The following TMEM233 variants were observed in gnomAD, a reference collection of about 807,000 sequenced individuals.
The protein encoded by TMEM233 is dispanin subfamily B member 2.
In TMEM233, 6 loss-of-function variants were observed where a neutral mutation model predicts 11.2. The ratio of observed to expected loss-of-function variants is 0.54; its 90% CI spans 0.29 to 1.06. The LOEUF is 1.06. Among genes scored for constraint, TMEM233 ranks in the 50% least tolerant of loss-of-function variants. TMEM233 has a pLI of 0.08. For missense variants in TMEM233, 127 were observed against 144.7 expected, an observed-to-expected ratio of 0.88 and a Z score of 0.63; for synonymous variants, 59 against 55.8, an observed-to-expected ratio of 1.06 and a Z score of -0.26.
At chr12:119,619,170 G>A (rs2136733451) in intron 1 of TMEM233, among the ~76,000 whole-genome samples, 1 of 152,282 alleles carries the variant, frequency 6.6e-6, no homozygotes, top group South Asian at 2.1e-4. Context: ...AGAAGGACAT[G>A]TTTGCTTCCC....
chr12:119,633,133 T>C (rs566897485), intron 2 of TMEM233, among the ~76,000 whole-genome samples: 1 of 152,288 alleles, frequency 6.6e-6, no homozygotes, highest in Admixed American at 6.5e-5. Flanking sequence ...TAATACCAGC[T>C]TTATCAGGAT....
In TMEM233 at chr12:119,641,180, T is replaced by C. The variant is rs967843324; in HGVS notation, c.*475T>C. 1 of 154,592 alleles carries C rather than the reference T, an allele frequency of 6.5e-6. No homozygotes were observed. The highest frequency in any genetic ancestry group is 1.4e-5 in the Non-Finnish European group (1 of 69,738). 9.6% of individuals were successfully genotyped at this position (154,592 alleles called of 1,614,324 possible). ...TTAAAATTGTCTAGTAGAGTTCAAG[T>C]TGTGGATTTGCTTTTCCTTTTATTC... On this transcript the variant is annotated 3_prime_UTR_variant, in exon 3 of 3. Transcript: ENST00000426426.
At chr12:119,613,385 T>C (rs554101063) in intron 1 of TMEM233, among the ~76,000 whole-genome samples, 105 of 152,264 alleles carry the variant, frequency 6.9e-4, no homozygotes, top group Non-Finnish European at 1.1e-3. Flanking sequence ...GAGCTCACAG[T>C]CAGGTGGCAG....
chr12:119,651,031 GA>G, the TMEM233 span, among the ~76,000 whole-genome samples: 2 of 152,180 alleles, frequency 1.3e-5, no homozygotes, highest in Non-Finnish European at 2.9e-5. Context: ...ACACAGGAAA[GA>G]AAAAACAGCT....
At chr12:119,653,415 A>G in the TMEM233 span, among the ~76,000 whole-genome samples, 1 of 143,854 alleles carries the variant, frequency 7.0e-6, no homozygotes, top group Non-Finnish European at 1.5e-5. Flanking sequence ...AAAAAAAATT[A>G]ATCACTAAAC....
chr12:119,631,505 A>T (rs923271019), intron 2 of TMEM233: 47 of 985,304 alleles, frequency 4.8e-5, no homozygotes, highest in Non-Finnish European at 5.2e-5. Flanking sequence ...AGAAAAGGAC[A>T]CTCAAACATG....
intron 1 of TMEM233, among the ~76,000 whole-genome samples, chr12:119,603,081 C>T (rs932337722): frequency 2.0e-5 from 3 of 151,666 alleles, no homozygotes; most frequent in African/African-American, 7.3e-5. Context: ...ATGATAAAAC[C>T]CCGTCCCTAC....
the TMEM233 span, among the ~76,000 whole-genome samples, chr12:119,648,752 GAATT>G: frequency 7.9e-5 from 12 of 152,162 alleles, no homozygotes; most frequent in South Asian, 1.7e-3. Flanking sequence ...ATGAATGAAT[GAATT>G]AATTAATTAA....
chr12:119,646,018 T>C (rs1955147152), downstream of TMEM233, among the ~76,000 whole-genome samples: 1 of 151,904 alleles, frequency 6.6e-6, no homozygotes, highest in East Asian at 1.9e-4. Flanking sequence ...TAAATAAATA[T>C]TTCTTGAGCC....
chr12:119,604,816 T>C (rs1184875520), intron 1 of TMEM233, among the ~76,000 whole-genome samples: 1 of 152,048 alleles, frequency 6.6e-6, no homozygotes, highest in Non-Finnish European at 1.5e-5. Flanking sequence ...AATTATTTTT[T>C]AGAAACAGGG....
rs1593270071 is a variant in TMEM233 at position 119,595,196 on chromosome 12, C to T, written c.186+1162C>T. Among the ~76,000 whole-genome samples the T allele has an allele frequency of 1.3e-5, 2 of 152,296 alleles. No homozygotes were observed. Among genetic ancestry groups the T allele is most frequent in the East Asian group, 3.9e-4 (2 of 5,168 alleles). On this transcript the variant is annotated intron_variant, in intron 1 of 2. Coordinates refer to ENST00000426426, the MANE Select transcript of TMEM233 (RefSeq NM_001136534.3). This position sits in a 1 kb window ranked among gnomAD's most constrained non-coding sequence, Gnocchi z 4.3. ...ACTGCAGCAGCTGGCCCGGGGGTGGCGGCGGGGTGAGGTTCGTACCGGCAC... is the reference window on the plus strand; with the variant it reads ...ACTGCAGCAGCTGGCCCGGGGGTGGTGGCGGGGTGAGGTTCGTACCGGCAC...
At position 119,593,907 on chromosome 12, in the gene TMEM233, C is replaced by G; in HGVS notation, c.59C>G (p.Ala20Gly). The change falls in exon 1 of 3, where the codon GCC becomes GGC. Residue 20 changes from alanine (A) to glycine (G), a missense_variant. By Grantham distance (60) the Ala-to-Gly change is moderately conservative (BLOSUM62 0). Transcript: ENST00000426426. The surrounding 1 kb of genome is among the most constrained non-coding windows in gnomAD (Gnocchi z 4.1). ...FKRALDSSPE[A>G]NTEDDKTEED... ...AGGGCTTTGGACAGCAGTCCCGAGG[C>G]CAACACTGAAGATGACAAGACCGAG... The G allele has an allele frequency of 6.4e-7, 1 of 1,551,748 alleles. No homozygotes were observed. Among genetic ancestry groups the G allele is most frequent in the Middle Eastern group, 1.7e-4 (1 of 5,990 alleles).
downstream of TMEM233, among the ~76,000 whole-genome samples, chr12:119,643,804 T>G (rs1392933779): frequency 6.7e-6 from 1 of 149,770 alleles, no homozygotes; most frequent in Non-Finnish European, 1.5e-5. Flanking sequence ...ACCAAGAGAC[T>G]CCTTCATCAG....
At chr12:119,632,479 G>C (rs184655481) in intron 2 of TMEM233, among the ~76,000 whole-genome samples, 15 of 152,154 alleles carry the variant, frequency 9.9e-5, no homozygotes, top group African/African-American at 3.6e-4. Context: ...ATTGATTTAC[G>C]GGGGAATGGT....
chr12:119,644,780 C>T (rs565699856), downstream of TMEM233, among the ~76,000 whole-genome samples: 24 of 152,240 alleles, frequency 1.6e-4, no homozygotes, highest in Middle Eastern at 3.4e-3. Context: ...CACCCAGCCT[C>T]CTCATAGCTT....
chr12:119,643,228 T>C (rs1566117819), downstream of TMEM233, among the ~76,000 whole-genome samples: 1 of 152,038 alleles, frequency 6.6e-6, no homozygotes, highest in African/African-American at 2.4e-5. Context: ...AACTAATTTA[T>C]GGCCAGAAAT....
intron 1 of TMEM233, among the ~76,000 whole-genome samples, chr12:119,600,058 C>A (rs916463464): frequency 6.6e-6 from 1 of 152,130 alleles, no homozygotes; most frequent in Non-Finnish European, 1.5e-5. Flanking sequence ...AATCCACCCA[C>A]CCATTAACAA....
chr12:119,595,515 C>A lies in TMEM233; in HGVS notation c.186+1481C>A, dbSNP rs1954025627. ...AAGCGTGCAGCCGCTGAAGTTCAGA[C>A]AAGTCTGTATTCAAATCCCAATTCT... On this transcript the variant is annotated intron_variant, in intron 1 of 2. Transcript: ENST00000426426. This position sits in a 1 kb window ranked among gnomAD's most constrained non-coding sequence, Gnocchi z 4.3. Among the ~76,000 whole-genome samples, 1 of 152,230 alleles carries A rather than the reference C, an allele frequency of 6.6e-6. No individual in the cohort carries two copies. Among genetic ancestry groups the A allele is most frequent in the Non-Finnish European group, 1.5e-5 (1 of 68,032 alleles).
chr12:119,629,814 T>A lies in TMEM233; in HGVS notation c.265T>A (p.Ser89Thr). Residue 89 changes from serine (S) to threonine (T), a missense_variant, in exon 2 of 3, where the codon TCC becomes ACC. Ser to Thr is a moderately conservative substitution (Grantham distance 58). Transcript: ENST00000426426. The stretch of plus-strand genomic sequence containing the variant: ...GAATGCTAAGTGGGTAGCCATCGCC[T>A]CCATCATCATTGGCCTTCTCATCAT... ...GRNAKWVAIA[S>T]IIIGLLIIGI... 6.4e-7 allele frequency: 1 copy of A among 1,551,694 alleles called. No individual in the cohort carries two copies. The highest frequency in any genetic ancestry group is 8.7e-7 in the Non-Finnish European group (1 of 1,146,982).
Sources: allele counts gnomAD v4.1 joint callset (sites outside exome capture counted in the v4.1 genomes callset), GRCh38; gene constraint gnomAD v4.1.1; non-coding constraint Gnocchi (gnomAD v3.1); transcripts MANE v1.5; gene names NCBI Gene and HGNC (gene_info 2026-07-23, HGNC 2026-07-21).